SLCO2B1: variants seen among roughly 807,000 people sequenced by gnomAD.
The protein encoded by SLCO2B1 is solute carrier organic anion transporter family member 2B1, also known as OATP-RP2.
Under a neutral mutation model 67.3 loss-of-function variants are expected in SLCO2B1, and 41 were observed. That is an observed-to-expected ratio of 0.61 (90% CI 0.47 to 0.79). SLCO2B1 has a LOEUF of 0.79. SLCO2B1 is among the 30% of genes least tolerant of loss of function. The pLI is 0.00. For synonymous variants in SLCO2B1, 379 were observed against 381.4 expected, an observed-to-expected ratio of 0.99 and a Z score of 0.07; for missense variants, 837 against 920.1, an observed-to-expected ratio of 0.91 and a Z score of 1.17.
rs1456784835 is a variant in SLCO2B1, at chr11:75,176,994, G to T, written c.972+4425G>T. Among the ~76,000 whole-genome samples, 3 of 152,206 alleles carry T rather than the reference G, an allele frequency of 2.0e-5. No homozygotes were observed. In the East Asian group the frequency reaches 5.8e-4, roughly 29 times the overall value. ...CCTGGCGCCAGAGGGCTGAGGAAGG[G>T]CTCCCCTAGACCACCAGGTCTGCAC... On this transcript the variant is annotated intron_variant, in intron 7 of 13. Coordinates refer to ENST00000289575, the MANE Select transcript of SLCO2B1 (RefSeq NM_007256.5).
In SLCO2B1 at chr11:75,165,719, C is replaced by A. The variant is rs1329350162; in HGVS notation, c.286-68C>A. ...GGCATACGGAAGTTAGACATAGAGACAAGGATAGTGCAGGCCCCCAGCCCT... is the reference window on the plus strand; with the variant it reads ...GGCATACGGAAGTTAGACATAGAGAAAAGGATAGTGCAGGCCCCCAGCCCT... On this transcript the variant is annotated intron_variant, in intron 3 of 13. Coordinates refer to ENST00000289575, the MANE Select transcript of SLCO2B1 (RefSeq NM_007256.5). The A allele has an allele frequency of 4.6e-6, 7 of 1,508,730 alleles. No individual in the cohort carries two copies. The East Asian group carries it at 9.1e-5, about 20-fold the overall frequency. 93.5% of individuals were successfully genotyped at this position (1,508,730 alleles called of 1,614,324 possible). A position where few individuals can be genotyped will look rare whatever the true frequency, so the allele number is the denominator to read the frequency against.
At chr11:75,157,239 A>G (rs1949756473) in intron 1 of SLCO2B1, 1 of 152,240 alleles carries the variant, frequency 6.6e-6, no homozygotes, top group Non-Finnish European at 1.5e-5. Flanking sequence ...GAACAATCAA[A>G]CCATTTGCTT....
intron 7 of SLCO2B1, among the ~76,000 whole-genome samples, chr11:75,185,501 C>CTTTTTTTT (rs11381669): frequency 9.4e-6 from 1 of 106,186 alleles, no homozygotes; most frequent in African/African-American, 3.9e-5. Flanking sequence ...GTATAAGTCT[C>CTTTTTTTT]TTTTTTTTTT....
Position 75,204,600 on chromosome 11 carries a change from T to A in SLCO2B1, c.*20T>A. On this transcript the variant is annotated 3_prime_UTR_variant, in exon 14 of 14. Transcript: ENST00000289575. ...GTGTGAGCTGTCTTGGGGCCCCACC[T>A]GGCCAAGAGTAGCAGCCACAGCAGT... 6.3e-7 allele frequency: 1 copy of A among 1,587,312 alleles called. No individual in the cohort carries two copies. Among genetic ancestry groups the A allele is most frequent in the Non-Finnish European group, 8.6e-7 (1 of 1,168,094 alleles).
Position 75,204,572 on chromosome 11 carries a change from C to A in SLCO2B1, c.2122C>A (p.Arg708=). 1.2e-6 allele frequency: 2 copies of A among 1,607,634 alleles called. No individual in the cohort carries two copies. The highest frequency in any genetic ancestry group is 1.1e-5 in the South Asian group (1 of 89,762). The change falls in exon 14 of 14, where the codon CGA becomes AGA. Residue 708 remains arginine, a synonymous_variant. Coordinates refer to ENST00000289575, the MANE Select transcript of SLCO2B1 (RefSeq NM_007256.5). ...GCCAGGGAAGAAGCCAGAGGATTCC[C>A]GAGTGTGAGCTGTCTTGGGGCCCCA... is the stretch of plus-strand genomic sequence containing the variant. ...SGPGKKPEDS[R]V is the part of the protein sequence containing the mutation.
At chr11:75,164,341 C>T (rs981423381) in intron 3 of SLCO2B1, among the ~76,000 whole-genome samples, 2 of 151,940 alleles carry the variant, frequency 1.3e-5, no homozygotes, top group African/African-American at 2.4e-5. Context: ...TCGGAGCTAG[C>T]CAGGGTCCCC....
At chr11:75,159,911 A>C in intron 1 of SLCO2B1, 1 of 969,928 alleles carries the variant, frequency 1.0e-6, no homozygotes, top group East Asian at 1.1e-4. Flanking sequence ...GCAGGTGAGC[A>C]GGCTCCATGA....
At chr11:75,177,532 C>T (rs1345145559) in intron 7 of SLCO2B1, among the ~76,000 whole-genome samples, 2 of 152,162 alleles carry the variant, frequency 1.3e-5, no homozygotes, top group African/African-American at 4.8e-5. Flanking sequence ...AGAAAAGACC[C>T]GGAGTGAGCA....
chr11:75,199,247 T>A (rs1431420134), intron 10 of SLCO2B1, among the ~76,000 whole-genome samples: 1 of 152,216 alleles, frequency 6.6e-6, no homozygotes. Context: ...CTTCATCATG[T>A]GCATTGGTTC....
chr11:75,169,399 C>T lies in SLCO2B1; in HGVS notation c.675C>T (p.Leu225=), dbSNP rs758464083. ...DDFAHNSNSP[L]YLGILFAVTM... is the part of the protein sequence containing the mutation. The stretch of plus-strand genomic sequence containing the variant: ...TTGCCCACAACAGCAACTCGCCCCT[C>T]TACCTCGGTGAGGACCAGTGCCATC... The change falls in exon 5 of 14, where the codon CTC becomes CTT. Residue 225 remains leucine (L), a synonymous_variant. Transcript: ENST00000289575. The T allele has an allele frequency of 1.3e-6, 2 of 1,593,550 alleles. No individual in the cohort carries two copies. Among genetic ancestry groups the T allele is most frequent in the African/African-American group, 2.7e-5 (2 of 74,882 alleles).
In SLCO2B1 at chr11:75,151,192, A is replaced by G; in HGVS notation, c.-190A>G. On this transcript the variant is annotated 5_prime_UTR_variant, in exon 1 of 14. Transcript: ENST00000289575. ...AAGACTCCCTAACCTGTGTCTGGAC[A>G]AGTCTGATGTCCTGTGTGGCCCAAG... 3.4e-6 allele frequency: 2 copies of G among 591,826 alleles called. No homozygotes were observed. The highest frequency in any genetic ancestry group is 6.0e-6 in the Non-Finnish European group (2 of 331,952). The allele number at this position is 591,826 out of a possible 1,614,324, so 36.7% of individuals were successfully genotyped here.
intron 7 of SLCO2B1, among the ~76,000 whole-genome samples, chr11:75,177,039 C>T (rs765816924): frequency 6.6e-5 from 10 of 152,206 alleles, no homozygotes; most frequent in East Asian, 1.9e-4. Context: ...CCTTTAACAT[C>T]GACGAGGCTT....
intron 1 of SLCO2B1, among the ~76,000 whole-genome samples, chr11:75,152,145 C>T (rs1024207402): frequency 4.6e-5 from 7 of 152,240 alleles, no homozygotes; most frequent in African/African-American, 1.7e-4. Flanking sequence ...CGCCTTGTAG[C>T]GAGGGCAGTG....
At chr11:75,169,963 G>T in intron 6 of SLCO2B1, 199 bp downstream of exon 6, 2 of 569,620 alleles carry the variant, frequency 3.5e-6, no homozygotes, top group Non-Finnish European at 6.3e-6. Context: ...TGTGATCAGA[G>T]TCCAGCGAGA....
At chr11:75,188,064 C>A in intron 7 of SLCO2B1, 72 bp from the exon 8 acceptor site, 2 of 1,057,460 alleles carry the variant, frequency 1.9e-6, no homozygotes, top group East Asian at 2.5e-5. Context: ...CCTCTCCTCC[C>A]CAGCCCACAG....
chr11:75,181,324 T>C (rs2140325555), intron 7 of SLCO2B1, among the ~76,000 whole-genome samples: 1 of 146,702 alleles, frequency 6.8e-6, no homozygotes, highest in South Asian at 2.1e-4. Context: ...GAGCCGAGAT[T>C]GCATCATTGC....
At chr11:75,169,117 A>C in intron 4 of SLCO2B1, 56 bp from the exon 5 acceptor site, 40 of 1,347,120 alleles carry the variant, frequency 3.0e-5, no homozygotes, top group Middle Eastern at 1.8e-4. Flanking sequence ...CCCCCGGGGT[A>C]AGCGCTATTT....
chr11:75,166,962 G>A (rs1414360860), intron 4 of SLCO2B1, among the ~76,000 whole-genome samples: 1 of 152,228 alleles, frequency 6.6e-6, no homozygotes, highest in East Asian at 1.9e-4. Flanking sequence ...GCCAGGGATA[G>A]GGGAGAGAAG....
At position 75,169,141 on chromosome 11, in the gene SLCO2B1, T is replaced by C; in HGVS notation, c.449-32T>C. The C allele has an allele frequency of 2.6e-6, 4 of 1,555,710 alleles. No homozygotes were observed. In the South Asian group the frequency reaches 4.6e-5, roughly 18 times the overall value. On this transcript the variant is annotated intron_variant, in intron 4 of 13. Transcript: ENST00000289575. Reference sequence around the variant, plus strand: ...TAAGCGCTATTTAAGTCTTAGCTATTGTTATAATATTTTTTCATTGTCGTC... The same window carrying C: ...TAAGCGCTATTTAAGTCTTAGCTATCGTTATAATATTTTTTCATTGTCGTC...
Sources: gnomAD v4.1 joint callset for allele counts (sites outside exome capture counted in the v4.1 genomes callset) on GRCh38, gnomAD v4.1.1 for gene constraint, MANE v1.5 for transcripts, NCBI Gene and HGNC (gene_info 2026-07-23, HGNC 2026-07-21) for gene names.